The following ZNF746 variants were observed in gnomAD, a reference collection of about 807,000 sequenced individuals.
ZNF746 encodes zinc finger protein 746.
Under a neutral mutation model 41.0 loss-of-function variants are expected in ZNF746, and 13 were observed. The ratio of observed to expected loss-of-function variants is 0.32; its 90% CI spans 0.21 to 0.50. ZNF746 has a LOEUF of 0.50. Ranked by LOEUF, ZNF746 falls within the 20% of genes least tolerant of loss-of-function variation. The probability of loss-of-function intolerance (pLI) is 0.98; values close to 1 mark genes in which losing one functional copy is unlikely to be tolerated. For missense variants in ZNF746, 811 were observed against 922.9 expected (o/e 0.88, Z 1.57); for synonymous variants, 424 against 396.2 (o/e 1.07, Z -0.83).
chr7:149,474,386 A>C lies in ZNF746; in HGVS notation c.1981T>G (p.Ter661GlyextTer6). The C allele has an allele frequency of 6.2e-7, 1 of 1,603,794 alleles. No homozygotes were observed. The highest frequency in any genetic ancestry group is 8.5e-7 in the Non-Finnish European group (1 of 1,175,650). Residue 661 changes from the stop codon to glycine (G), a stop_lost, in exon 7 of 7, where the codon TGA becomes GGA. Transcript: ENST00000458143. This position sits in a 1 kb window ranked among gnomAD's most constrained non-coding sequence, Gnocchi z 6.3. ...AGGGGCTATGGGGCTGGAGGCGCTCACATGTCCCCGCCATCGGTGGGTCCC... is the reference window on the plus strand; with the variant it reads ...AGGGGCTATGGGGCTGGAGGCGCTCCCATGTCCCCGCCATCGGTGGGTCCC... The part of the protein sequence containing the change: ...VLGPTDGGDM[*>G]
At chr7:149,495,151 C>T (rs756396144) in intron 1 of ZNF746, among the ~76,000 whole-genome samples, 8 of 152,100 alleles carry the variant, frequency 5.3e-5, no homozygotes, top group Admixed American at 2.0e-4. Context: ...TTGTCACCTT[C>T]CCATCTGCCC....
chr7:149,481,190 G>A (rs763343259), intron 4 of ZNF746, among the ~76,000 whole-genome samples: 3 of 152,198 alleles, frequency 2.0e-5, no homozygotes, highest in Non-Finnish European at 4.4e-5. Context: ...CAAAAGCTAA[G>A]AGAAAATAAC....
At chr7:149,491,731 T>A in intron 4 of ZNF746, 1 of 607,138 alleles carries the variant, frequency 1.6e-6, no homozygotes, top group Non-Finnish European at 2.9e-6. Flanking sequence ...GACCACCACC[T>A]TTCTCAGTGT....
intron 4 of ZNF746, chr7:149,488,945 A>G (rs980694344): frequency 9.2e-5 from 14 of 152,244 alleles, no homozygotes; most frequent in African/African-American, 3.4e-4. Flanking sequence ...GGAATGGAAA[A>G]TAAGTTACAA....
At position 149,477,022 on chromosome 7, in the gene ZNF746, G is replaced by C. The variant is rs146428260; in HGVS notation, c.783C>G (p.Thr261=). ...CCGTTTGCCAGGAGGTGGGCGGGATGGTGGTGGAAAAGTTGGAATGGACAC... is the reference window on the plus strand; with the variant it reads ...CCGTTTGCCAGGAGGTGGGCGGGATCGTGGTGGAAAAGTTGGAATGGACAC... ...TSGVHSNFST[T]IPPTSWQTDL... The change falls in exon 6 of 7, where the codon ACC becomes ACG. Residue 261 remains threonine, a synonymous_variant. Transcript: ENST00000458143. The C allele has an allele frequency of 5.6e-5, 90 of 1,613,670 alleles. No homozygotes were observed. The African/African-American group carries it at 1.1e-3, about 20-fold the overall frequency.
intron 4 of ZNF746, chr7:149,487,868 T>C (rs549520002): frequency 6.6e-6 from 1 of 152,230 alleles, no homozygotes; most frequent in South Asian, 2.1e-4. Flanking sequence ...GCAATTCCAA[T>C]CAAATTTCCA....
Position 149,475,927 on chromosome 7 carries a change from GACA to G in ZNF746, c.884-447_884-445del, listed in dbSNP as rs1315431108. The stretch of plus-strand genomic sequence containing the variant: ...CTTCACAGGTGTGAGGATTAAACCA[GACA>G]ACATGTCTGAAAGCACCTTAGTGAG... On this transcript the variant is annotated intron_variant, in intron 6 of 6. Transcript: ENST00000458143. Among the ~76,000 whole-genome samples, 6 of 152,336 alleles carry G rather than the reference GACA, an allele frequency of 3.9e-5. 1 individual carries two copies. The South Asian group carries it at 8.3e-4, about 21-fold the overall frequency.
intron 6 of ZNF746, among the ~76,000 whole-genome samples, chr7:149,476,016 TGAATAA>T (rs1800288869): frequency 6.6e-6 from 1 of 152,036 alleles, no homozygotes; most frequent in Non-Finnish European, 1.5e-5. Context: ...AAAATATTAG[TGAATAA>T]GAATGTGTTT....
rs1801025852 is a variant in ZNF746, at chr7:149,497,096, G to A, written c.24+417C>T. 1.0e-6 allele frequency: 1 copy of A among 985,344 alleles called. No individual in the cohort carries two copies. Among genetic ancestry groups the A allele is most frequent in the Non-Finnish European group, 1.2e-6 (1 of 829,912 alleles). The allele number at this position is 985,344 out of a possible 1,614,324, so 61.0% of individuals were successfully genotyped here. ...GCACGTAGTGGGAGTCGGTGTATGC[G>A]GATTCGAAGCCGGACACCTCCCAGG... On this transcript the variant is annotated intron_variant, in intron 1 of 6. Coordinates refer to ENST00000458143, the MANE Select transcript of ZNF746 (RefSeq NM_001394198.1). This position sits in a 1 kb window ranked among gnomAD's most constrained non-coding sequence, Gnocchi z 4.2.
chr7:149,494,176 C>G lies in ZNF746; in HGVS notation c.324+28G>C. Reference sequence around the variant, plus strand: ...GCTCACGGGTTTGGCCGCTTGGGCTCCCACACCCCAAGGCGTCCCAGGGCT... The same window carrying G: ...GCTCACGGGTTTGGCCGCTTGGGCTGCCACACCCCAAGGCGTCCCAGGGCT... On this transcript the variant is annotated intron_variant, in intron 2 of 6. Transcript: ENST00000458143. The surrounding 1 kb of genome is among the most constrained non-coding windows in gnomAD (Gnocchi z 5.6). 6.2e-7 allele frequency: 1 copy of G among 1,613,666 alleles called. No individual in the cohort carries two copies. The highest frequency in any genetic ancestry group is 8.5e-7 in the Non-Finnish European group (1 of 1,179,592).
rs747445861 is a variant in ZNF746 at position 149,475,366 on chromosome 7, C to T, written c.1001G>A (p.Arg334Gln). 11 of 1,614,160 alleles carry T rather than the reference C, an allele frequency of 6.8e-6. No individual in the cohort carries two copies. Among genetic ancestry groups the T allele is most frequent in the African/African-American group, 1.3e-5 (1 of 75,042 alleles). ...TTCCTGGGCAGGACTAGGGAAGAAC[C>T]GTGTGGCTTGGCCTGGTCCAAACAG... ...GTLFGPGQAT[R>Q]FFPSPAQEGA... The change falls in exon 7 of 7, where the codon CGG becomes CAG. Residue 334 changes from arginine to glutamine, a missense_variant. Coordinates refer to ENST00000458143, the MANE Select transcript of ZNF746 (RefSeq NM_001394198.1).
chr7:149,485,870 C>A (rs900073844), intron 4 of ZNF746, among the ~76,000 whole-genome samples: 8 of 151,932 alleles, frequency 5.3e-5, no homozygotes, highest in African/African-American at 1.9e-4. Context: ...GAAACACTGT[C>A]TCTACTAAAA....
chr7:149,494,040 C>G lies in ZNF746; in HGVS notation c.400G>C (p.Glu134Gln), dbSNP rs1174434155. The change falls in exon 3 of 7, where the codon GAG (glutamate) becomes CAG (glutamine). Residue 134 changes from glutamate (E) to glutamine (Q), a missense_variant. By Grantham distance (29) the Glu-to-Gln change is conservative. This residue lies in a region of ZNF746 where 147 missense variants were observed against 233.4 expected (regional missense o/e 0.63). Coordinates refer to ENST00000458143, the MANE Select transcript of ZNF746 (RefSeq NM_001394198.1). This position sits in a 1 kb window ranked among gnomAD's most constrained non-coding sequence, Gnocchi z 5.6. ...EWGKLEDWQK[E>Q]LYKHVMRGNY... ...CCCCTCATCACGTGCTTGTAGAGCT[C>G]CTTCTGCCAGTCCTCCAGCTTGCCC... 6.2e-7 allele frequency: 1 copy of G among 1,614,168 alleles called. No homozygotes were observed. Among genetic ancestry groups the G allele is most frequent in the South Asian group, 1.1e-5 (1 of 91,086 alleles).
rs1272789288 is a variant in ZNF746, at chr7:149,494,985, C to T, written c.25-482G>A. On this transcript the variant is annotated intron_variant, in intron 1 of 6. Transcript: ENST00000458143. This position sits in a 1 kb window ranked among gnomAD's most constrained non-coding sequence, Gnocchi z 5.6. ...CACAGGAACTGTCTACTGATGATGACCCAGCAAAAAAAACAGCTGGTTCAC... is the reference window on the plus strand; with the variant it reads ...CACAGGAACTGTCTACTGATGATGATCCAGCAAAAAAAACAGCTGGTTCAC... Among the ~76,000 whole-genome samples, 1 of 151,748 alleles carries T rather than the reference C, an allele frequency of 6.6e-6. No individual in the cohort carries two copies. Among genetic ancestry groups the T allele is most frequent in the Non-Finnish European group, 1.5e-5 (1 of 67,920 alleles).
chr7:149,494,200 C>A lies in ZNF746; in HGVS notation c.324+4G>T, dbSNP rs769826958. The stretch of plus-strand genomic sequence containing the variant: ...TCCCACACCCCAAGGCGTCCCAGGG[C>A]TACCTTAGGGGACTCCCCCTTGCTG... On this transcript the variant is annotated splice_donor_region_variant and intron_variant, in intron 2 of 6. Coordinates refer to ENST00000458143, the MANE Select transcript of ZNF746 (RefSeq NM_001394198.1). The surrounding 1 kb of genome is among the most constrained non-coding windows in gnomAD (Gnocchi z 5.6). The A allele has an allele frequency of 2.0e-5, 32 of 1,613,740 alleles. No individual in the cohort carries two copies. Among genetic ancestry groups the A allele is most frequent in the Non-Finnish European group, 2.0e-5 (24 of 1,179,792 alleles).
chr7:149,478,613 A>G (rs548567359), intron 4 of ZNF746, among the ~76,000 whole-genome samples: 34 of 152,318 alleles, frequency 2.2e-4, no homozygotes, highest in Non-Finnish European at 3.5e-4. Context: ...GGGGGCTCCT[A>G]AGGGAAAACT....
intron 4 of ZNF746, chr7:149,487,528 T>G (rs964038846): frequency 6.6e-6 from 1 of 152,122 alleles, no homozygotes; most frequent in Non-Finnish European, 1.5e-5. Context: ...TTACAAAAAG[T>G]TAAAAAACAG....
At chr7:149,488,920 G>A (rs1800707159) in intron 4 of ZNF746, 1 of 152,170 alleles carries the variant, frequency 6.6e-6, no homozygotes, top group South Asian at 2.1e-4. Flanking sequence ...AAAAGCTTAA[G>A]TGCCAATCAG....
At chr7:149,476,755 G>A (rs1254333817) in intron 6 of ZNF746, among the ~76,000 whole-genome samples, 167 bp downstream of exon 6, 1 of 152,170 alleles carries the variant, frequency 6.6e-6, no homozygotes, top group African/African-American at 2.4e-5. Flanking sequence ...CTATGATTTG[G>A]CAAGGAGATA....
Sources: allele counts gnomAD v4.1 joint callset (sites outside exome capture counted in the v4.1 genomes callset), GRCh38; gene constraint gnomAD v4.1.1; regional missense constraint gnomAD v4.1.1; non-coding constraint Gnocchi (gnomAD v3.1); transcripts MANE v1.5; gene names NCBI Gene and HGNC (gene_info 2026-07-23, HGNC 2026-07-21).